The following CELF2 variants were observed in gnomAD, a reference collection of about 807,000 sequenced individuals.
CELF2 encodes CUGBP Elav-like family member 2.
In CELF2, 8 loss-of-function variants were observed where a neutral mutation model predicts 62.6. That is an observed-to-expected ratio of 0.13 (90% confidence interval 0.07 to 0.23). The LOEUF (loss-of-function observed/expected upper bound fraction) is 0.23. CELF2 is among the 10% of genes least tolerant of loss of function. The pLI is 1.00. For missense variants in CELF2, 333 were observed against 671.0 expected (o/e 0.50, Z 5.56); for synonymous variants, 258 against 250.0 (o/e 1.03, Z -0.30).
At position 11,199,889 on chromosome 10, in the gene CELF2, T is replaced by C. The variant is rs529839795; in HGVS notation, c.272-17536T>C. Among the ~76,000 whole-genome samples the C allele has an allele frequency of 9.5e-4, 145 of 152,272 alleles. 1 individual carries two copies. The highest frequency in any genetic ancestry group is 3.3e-3 in the African/African-American group (139 of 41,558). On this transcript the variant is annotated intron_variant, in intron 2 of 12. Coordinates refer to ENST00000633077, the MANE Select transcript of CELF2 (RefSeq NM_001326342.2). ...TAGAGGTAACCTGGAAGTGTCCTAA[T>C]TGGATGGCCTGAATTTCTCACCCGG...
rs575907782 is a variant in CELF2 at position 11,305,573 on chromosome 10, G to A, written c.977-8566G>A. ...GGGATTAGGAAGAGAAGGAAGGTTG[G>A]GGGGTTCAGCTCTCAGCTCTGTTGG... On this transcript the variant is annotated intron_variant, in intron 9 of 12. Coordinates refer to ENST00000633077, the MANE Select transcript of CELF2 (RefSeq NM_001326342.2). The surrounding 1 kb of genome is among the most constrained non-coding windows in gnomAD (Gnocchi z 4.8). Among the ~76,000 whole-genome samples the A allele has an allele frequency of 6.6e-6, 1 of 152,334 alleles. No individual in the cohort carries two copies. The highest frequency in any genetic ancestry group is 1.5e-5 in the Non-Finnish European group (1 of 68,036).
the CELF2 span, among the ~76,000 whole-genome samples, chr10:10,554,862 A>C: frequency 6.6e-6 from 1 of 152,176 alleles, no homozygotes; most frequent in Admixed American, 6.5e-5. Flanking sequence ...TTCCCTCTAC[A>C]GTGACATATA....
chr10:11,034,250 T>C (rs1377008163), intron 1 of CELF2, among the ~76,000 whole-genome samples: 1 of 152,222 alleles, frequency 6.6e-6, no homozygotes, highest in Non-Finnish European at 1.5e-5. Context: ...TAATAAGGAA[T>C]TTCTTGTTGA....
chr10:11,053,293 C>G (rs2064326512), intron 1 of CELF2, among the ~76,000 whole-genome samples: 1 of 152,100 alleles, frequency 6.6e-6, no homozygotes, highest in Non-Finnish European at 1.5e-5. Context: ...CTCAATAGAC[C>G]ATATCTTCAG....
chr10:11,185,106 T>C (rs1285188582), intron 2 of CELF2, among the ~76,000 whole-genome samples: 1 of 152,226 alleles, frequency 6.6e-6, no homozygotes, highest in Non-Finnish European at 1.5e-5. Context: ...TTTTAATGTT[T>C]TTTTCTGAGT....
the CELF2 span, among the ~76,000 whole-genome samples, chr10:10,668,985 C>T: frequency 6.6e-6 from 1 of 151,814 alleles, no homozygotes; most frequent in African/African-American, 2.4e-5. Context: ...AGGTTACATA[C>T]AAAAAAAATC....
At chr10:10,677,121 G>C in the CELF2 span, among the ~76,000 whole-genome samples, 2 of 152,218 alleles carry the variant, frequency 1.3e-5, no homozygotes, top group African/African-American at 4.8e-5. Flanking sequence ...AGTCTGCAGA[G>C]AGAAATCAGC....
intron 1 of CELF2, among the ~76,000 whole-genome samples, chr10:11,051,557 A>T (rs888753534): frequency 6.6e-6 from 1 of 152,202 alleles, no homozygotes; most frequent in African/African-American, 2.4e-5. Flanking sequence ...CATTTACAGT[A>T]TGTTGAACAC....
the CELF2 span, among the ~76,000 whole-genome samples, chr10:10,566,172 G>T: frequency 6.6e-5 from 10 of 152,114 alleles, no homozygotes; most frequent in South Asian, 1.7e-3. Flanking sequence ...AGCATATTAG[G>T]TTTTAATAGA....
chr10:10,995,183 G>A lies in CELF2; in HGVS notation c.89+75184G>A, dbSNP rs185119228. Among the ~76,000 whole-genome samples, 139 of 152,312 alleles carry A rather than the reference G, an allele frequency of 9.1e-4. 1 individual carries two copies. The highest frequency in any genetic ancestry group is 3.4e-3 in the Middle Eastern group (1 of 294). On this transcript the variant is annotated intron_variant, in intron 2 of 13. Transcript: ENST00000636488. The surrounding 1 kb of genome is among the most constrained non-coding windows in gnomAD (Gnocchi z 4.7). ...GTGCCTCTTTTGAATCCTCCTTAGA[G>A]TAATTCAACTTTAGATAACTAACAC...
chr10:10,939,744 G>A (rs542657712), intron 2 of CELF2, among the ~76,000 whole-genome samples: 2 of 151,986 alleles, frequency 1.3e-5, no homozygotes, highest in East Asian at 3.9e-4. Flanking sequence ...CACGAGGTCA[G>A]GAGATCGAGA....
At chr10:10,510,749 A>G in the CELF2 span, among the ~76,000 whole-genome samples, 4 of 152,344 alleles carry the variant, frequency 2.6e-5, no homozygotes, top group Non-Finnish European at 4.4e-5. Flanking sequence ...CTCAGGGAAG[A>G]AGAGTGCTGG....
At chr10:10,467,217 T>C in the CELF2 span, among the ~76,000 whole-genome samples, 47 of 152,184 alleles carry the variant, frequency 3.1e-4, no homozygotes, top group East Asian at 7.9e-3. Flanking sequence ...ATAATTTCAG[T>C]GTTCACACAC....
intron 1 of CELF2, among the ~76,000 whole-genome samples, chr10:10,847,884 C>A (rs2059117746): frequency 6.6e-6 from 1 of 152,164 alleles, no homozygotes; most frequent in African/African-American, 2.4e-5. Flanking sequence ...TGGCTGCACA[C>A]ACAGCAAAAA....
chr10:11,096,940 T>TTTCC (rs2050049088), intron 1 of CELF2, among the ~76,000 whole-genome samples: 1 of 152,188 alleles, frequency 6.6e-6, no homozygotes, highest in Non-Finnish European at 1.5e-5. Flanking sequence ...CTCCTCCTCC[T>TTTCC]TTCCTTCCTT....
the CELF2 span, among the ~76,000 whole-genome samples, chr10:10,646,361 A>T: frequency 1.3e-5 from 2 of 152,228 alleles, no homozygotes; most frequent in Non-Finnish European, 2.9e-5. Context: ...ATTTCAACGA[A>T]AGCCACGGCT....
chr10:11,162,001 G>A (rs1393379414), intron 1 of CELF2, among the ~76,000 whole-genome samples: 1 of 152,224 alleles, frequency 6.6e-6, no homozygotes, highest in Non-Finnish European at 1.5e-5. Flanking sequence ...CATCAGCCAG[G>A]GAGAGAGTTG....
chr10:10,750,548 A>T, the CELF2 span, among the ~76,000 whole-genome samples: 1 of 152,288 alleles, frequency 6.6e-6, no homozygotes, highest in African/African-American at 2.4e-5. Flanking sequence ...GGTGAAATTC[A>T]CATTGGATTA....
intron 1 of CELF2, among the ~76,000 whole-genome samples, chr10:10,858,635 A>G (rs1318258619): frequency 6.6e-6 from 1 of 152,188 alleles, no homozygotes; most frequent in African/African-American, 2.4e-5. Flanking sequence ...TTAAAAATTC[A>G]TGAAATTCTC....
Sources: gnomAD v4.1 joint callset for allele counts (sites outside exome capture counted in the v4.1 genomes callset) on GRCh38, gnomAD v4.1.1 for gene constraint, Gnocchi (gnomAD v3.1) non-coding constraint, MANE v1.5 for transcripts, NCBI Gene and HGNC (gene_info 2026-07-23, HGNC 2026-07-21) for gene names.